Variants in ORC4 observed in about 807,000 individuals in gnomAD.
The protein encoded by ORC4 is origin recognition complex subunit 4, also known as origin recognition complex, subunit 4 homolog.
A neutral mutation model predicts 63.9 loss-of-function variants in ORC4; 55 were observed. That is an observed-to-expected ratio of 0.86 (90% confidence interval 0.69 to 1.08). ORC4 has a LOEUF of 1.08. ORC4 is among the 50% of genes least tolerant of loss of function. The probability of loss-of-function intolerance (pLI) is 0.00; values close to 1 mark genes in which losing one functional copy is unlikely to be tolerated. For synonymous variants in ORC4, 150 were observed against 168.5 expected (o/e 0.89, Z 0.85); for missense variants, 511 against 504.4 (o/e 1.01, Z -0.13).
intron 1 of ORC4, among the ~76,000 whole-genome samples, chr2:148,016,354 T>A (rs888091581): frequency 1.3e-5 from 2 of 152,176 alleles, no homozygotes; most frequent in African/African-American, 4.8e-5. Flanking sequence ...CACTACAGCT[T>A]TCTGAATCCT....
At chr2:147,936,540 T>A (rs1314405228) in intron 13 of ORC4, 3 of 152,172 alleles carry the variant, frequency 2.0e-5, no homozygotes, top group African/African-American at 7.2e-5. Context: ...TGGAACATAT[T>A]CTCTATGTAT....
intron 1 of ORC4, among the ~76,000 whole-genome samples, chr2:147,992,025 A>C (rs1691646085): frequency 6.6e-6 from 1 of 152,208 alleles, no homozygotes; most frequent in African/African-American, 2.4e-5. Context: ...CAAAAGAACT[A>C]ACACAAATTT....
chr2:147,985,303 T>C (rs1043511096), intron 1 of ORC4, among the ~76,000 whole-genome samples: 1 of 152,140 alleles, frequency 6.6e-6, no homozygotes, highest in Non-Finnish European at 1.5e-5. Context: ...TTCACACCAT[T>C]CTCCTCCCTC....
chr2:147,968,230 C>T (rs1690010596), intron 4 of ORC4, among the ~76,000 whole-genome samples: 1 of 151,872 alleles, frequency 6.6e-6, no homozygotes, highest in South Asian at 2.1e-4. Context: ...GGACACTAGT[C>T]TAGGAAAATA....
intron 7 of ORC4, among the ~76,000 whole-genome samples, chr2:147,953,099 G>A (rs1646146354): frequency 6.6e-6 from 1 of 151,584 alleles, no homozygotes; most frequent in Non-Finnish European, 1.5e-5. Context: ...GGAGGCCGAG[G>A]TAGGTGGATC....
intron 4 of ORC4, 21 bp from the exon 5 acceptor site, chr2:147,958,887 AAAT>A (rs779775111): frequency 8.4e-6 from 8 of 951,032 alleles, no homozygotes; most frequent in South Asian, 4.1e-5. Flanking sequence ...AAAGTTTATG[AAAT>A]AATAATAGGT....
At chr2:147,974,995 T>C (rs1690457025) in intron 2 of ORC4, among the ~76,000 whole-genome samples, 1 of 152,070 alleles carries the variant, frequency 6.6e-6, no homozygotes, top group Non-Finnish European at 1.5e-5. Context: ...ACATGGAGGA[T>C]TCGTGCACTT....
chr2:147,941,316 C>T (rs1342909999), intron 10 of ORC4, among the ~76,000 whole-genome samples: 6 of 151,820 alleles, frequency 4.0e-5, no homozygotes, highest in African/African-American at 1.2e-4. Context: ...GACATGTCTT[C>T]CTGTGCATTA....
intron 4 of ORC4, among the ~76,000 whole-genome samples, chr2:147,972,106 C>G (rs1397754261): frequency 1.3e-5 from 2 of 151,890 alleles, no homozygotes; most frequent in African/African-American, 4.8e-5. Context: ...CATAATTTGT[C>G]TCCTATATTG....
chr2:147,939,178 T>TG lies in ORC4; in HGVS notation c.919dup (p.Gln307ProfsTer4). On this transcript the variant is annotated frameshift_variant, in exon 11 of 14. Transcript: ENST00000392857. LOFTEE classifies it high-confidence loss of function. The stretch of plus-strand genomic sequence containing the variant: ...TGCTTTCGAGTCCATGCTACACAGT[T>TG]GGCTTGCTTCCATTAGATCTACGGC... 6.2e-7 allele frequency: 1 copy of TG among 1,612,784 alleles called. No homozygotes were observed. Among genetic ancestry groups the TG allele is most frequent in the South Asian group, 1.1e-5 (1 of 91,066 alleles).
At chr2:147,947,036 C>T (rs1688695063) in intron 9 of ORC4, among the ~76,000 whole-genome samples, 1 of 151,918 alleles carries the variant, frequency 6.6e-6, no homozygotes, top group Non-Finnish European at 1.5e-5. Flanking sequence ...AAACAATAAT[C>T]ATTTAAAGAA....
intron 4 of ORC4, among the ~76,000 whole-genome samples, chr2:147,964,829 T>G (rs759254029): frequency 6.6e-6 from 1 of 152,332 alleles, no homozygotes; most frequent in South Asian, 2.1e-4. Context: ...TCATCCTTCT[T>G]GTTTACATTT....
chr2:147,961,118 T>A (rs75602196), intron 4 of ORC4, among the ~76,000 whole-genome samples: 1 of 152,058 alleles, frequency 6.6e-6, no homozygotes. Context: ...GACTACAGTC[T>A]TATGTTTTAA....
chr2:147,974,867 G>A (rs1303026859), intron 2 of ORC4, among the ~76,000 whole-genome samples: 2 of 150,078 alleles, frequency 1.3e-5, no homozygotes. Flanking sequence ...GCAGTAACGG[G>A]GTATAAAATA....
intron 6 of ORC4, among the ~76,000 whole-genome samples, chr2:147,957,946 T>G (rs954307699): frequency 6.6e-6 from 1 of 152,112 alleles, no homozygotes; most frequent in Non-Finnish European, 1.5e-5. Context: ...CTCAAAAAAG[T>G]AGAAATAGGC....
At chr2:148,019,979 T>C (rs1405736789) in intron 1 of ORC4, among the ~76,000 whole-genome samples, 1 of 152,192 alleles carries the variant, frequency 6.6e-6, no homozygotes, top group Non-Finnish European at 1.5e-5. Context: ...ATCTACACTA[T>C]AAGGGGAAAC....
At position 147,935,298 on chromosome 2, in the gene ORC4, C is replaced by A. The variant is rs1687988633; in HGVS notation, c.*212G>T. 2 of 573,980 alleles carry A rather than the reference C, an allele frequency of 3.5e-6. No individual in the cohort carries two copies. Among genetic ancestry groups the A allele is most frequent in the Non-Finnish European group, 6.3e-6 (2 of 319,478 alleles). 35.6% of individuals were successfully genotyped at this position (573,980 alleles called of 1,614,324 possible). A position where few individuals can be genotyped will look rare whatever the true frequency, so the allele number is the denominator to read the frequency against. ...AGTCATATTTTATTCTTCTGAACAG[C>A]TACTTACAAAGTAATCTCAATCAGT... is the stretch of plus-strand genomic sequence containing the variant. On this transcript the variant is annotated 3_prime_UTR_variant, in exon 14 of 14. Coordinates refer to ENST00000392857, the MANE Select transcript of ORC4 (RefSeq NM_181741.4).
chr2:148,015,868 G>A lies in ORC4; in HGVS notation c.-18+4765C>T, dbSNP rs113097875. Reference sequence around the variant, plus strand: ...CTGCTAATGAACGTACAGTGCAGTGGTGGTTCAAGAAGTTTTGCAAAAGAT... The same window carrying A: ...CTGCTAATGAACGTACAGTGCAGTGATGGTTCAAGAAGTTTTGCAAAAGAT... On this transcript the variant is annotated intron_variant, in intron 1 of 13. Transcript: ENST00000392857. Among the ~76,000 whole-genome samples, 896 of 152,252 alleles carry A rather than the reference G, an allele frequency of 5.9e-3. 9 individuals are homozygous for A. The highest frequency in any genetic ancestry group is 0.021 in the African/African-American group (862 of 41,544).
At chr2:147,972,926 T>C (rs968951513) in intron 3 of ORC4, 97 bp from the exon 4 acceptor site, 3 of 782,686 alleles carry the variant, frequency 3.8e-6, no homozygotes, top group Admixed American at 2.1e-5. Context: ...TGCACAGAAA[T>C]TTCCTCTCTT....
Sources: gnomAD v4.1 joint callset for allele counts (sites outside exome capture counted in the v4.1 genomes callset) on GRCh38, gnomAD v4.1.1 for gene constraint, MANE v1.5 for transcripts, NCBI Gene and HGNC (gene_info 2026-07-23, HGNC 2026-07-21) for gene names.